The following TCF4 variants were observed in gnomAD, a reference collection of about 807,000 sequenced individuals.
TCF4 encodes transcription factor 4, also known as SL3-3 enhancer factor 2.
TCF4 carries 3 observed loss-of-function variants against 82.1 expected under a neutral mutation model. The ratio of observed to expected loss-of-function variants is 0.04; its 90% CI spans 0.02 to 0.09. TCF4 has a LOEUF of 0.09. Ranked by LOEUF, TCF4 falls within the 10% of genes least tolerant of loss-of-function variation. TCF4 has a pLI of 1.00. For synonymous variants in TCF4, 276 were observed against 309.6 expected, an observed-to-expected ratio of 0.89 and a Z score of 1.14; for missense variants, 518 against 852.7, an observed-to-expected ratio of 0.61 and a Z score of 4.89.
At chr18:55,435,206 G>A (rs141403526) in intron 5 of TCF4, among the ~76,000 whole-genome samples, 3 of 152,312 alleles carry the variant, frequency 2.0e-5, no homozygotes, top group East Asian at 1.9e-4. Flanking sequence ...GATGCAATGT[G>A]AGTGAGCAAT....
intron 6 of TCF4, among the ~76,000 whole-genome samples, chr18:55,379,942 T>C (rs907031345): frequency 2.5e-4 from 38 of 152,276 alleles, no homozygotes; most frequent in African/African-American, 8.2e-4. Flanking sequence ...GGCATGATCA[T>C]GGCTCACTGC....
intron 13 of TCF4, chr18:55,257,601 T>G: frequency 3.4e-6 from 2 of 595,300 alleles, no homozygotes; most frequent in Non-Finnish European, 6.0e-6. Flanking sequence ...AGACTCACAA[T>G]TCCCCCAGGC....
intron 6 of TCF4, among the ~76,000 whole-genome samples, chr18:55,376,346 G>C (rs192380139): frequency 6.6e-6 from 1 of 152,076 alleles, no homozygotes; most frequent in African/African-American, 2.4e-5. Flanking sequence ...CTTAGAACAT[G>C]AAAATAAGGA....
chr18:55,465,281 T>A (rs984150462), intron 3 of TCF4, among the ~76,000 whole-genome samples: 2 of 152,168 alleles, frequency 1.3e-5, no homozygotes, highest in Non-Finnish European at 2.9e-5. Context: ...ATTACTGCTA[T>A]TTTATTATCA....
At chr18:55,584,350 A>G (rs560527006) in intron 3 of TCF4, among the ~76,000 whole-genome samples, 2 of 152,296 alleles carry the variant, frequency 1.3e-5, no homozygotes, top group South Asian at 4.1e-4. Flanking sequence ...GTACTGTTAT[A>G]TACCATTGCC....
intron 3 of TCF4, among the ~76,000 whole-genome samples, chr18:55,577,636 T>A (rs2097542154): frequency 6.6e-6 from 1 of 152,092 alleles, no homozygotes; most frequent in African/African-American, 2.4e-5. Flanking sequence ...TTACCAGTCC[T>A]GTAAACACCC....
chr18:55,369,913 TTGTGTGTG>T (rs3838896), intron 6 of TCF4, among the ~76,000 whole-genome samples: 7 of 150,722 alleles, frequency 4.6e-5, no homozygotes, highest in Non-Finnish European at 1.0e-4. Context: ...AGAGTTTTAT[TTGTGTGTG>T]TGTGTGTGTG....
intron 6 of TCF4, among the ~76,000 whole-genome samples, chr18:55,365,717 T>C (rs985977811): frequency 6.6e-6 from 1 of 151,946 alleles, no homozygotes; most frequent in African/African-American, 2.4e-5. Context: ...CTGGCCAACA[T>C]AGTGAAACCC....
At chr18:55,391,863 A>G (rs1027562517) in intron 6 of TCF4, among the ~76,000 whole-genome samples, 5 of 146,942 alleles carry the variant, frequency 3.4e-5, no homozygotes, top group African/African-American at 1.3e-4. Flanking sequence ...GCTTGAACCC[A>G]GGAGGCAGAG....
chr18:55,443,165 A>G (rs1474860943), intron 5 of TCF4, among the ~76,000 whole-genome samples: 1 of 152,168 alleles, frequency 6.6e-6, no homozygotes. Context: ...TGGTTTTAAA[A>G]CAGGTTGTTG....
chr18:55,635,927 A>G lies in TCF4; in HGVS notation c.-30T>C, dbSNP rs1005744566. 4.4e-6 allele frequency: 7 copies of G among 1,577,588 alleles called. No individual in the cohort carries two copies. In the Admixed American group the frequency reaches 5.5e-5, roughly 12 times the overall value. ...TTGTTCCTTTGGCCGCATAAGTGCCAATCTACAAGAAAGGTGATACTGTAG... is the reference window on the plus strand; with the variant it reads ...TTGTTCCTTTGGCCGCATAAGTGCCGATCTACAAGAAAGGTGATACTGTAG... On this transcript the variant is annotated 5_prime_UTR_variant, in exon 1 of 21. Coordinates refer to the TCF4 transcript ENST00000398339.
At chr18:55,310,617 G>A (rs1048086671) in intron 8 of TCF4, among the ~76,000 whole-genome samples, 3 of 152,176 alleles carry the variant, frequency 2.0e-5, no homozygotes, top group African/African-American at 4.8e-5. Flanking sequence ...CAGGGAGAGA[G>A]GTCCCCAGTT....
intron 2 of TCF4, among the ~76,000 whole-genome samples, chr18:55,629,568 T>C (rs1415043104): frequency 6.6e-6 from 1 of 152,180 alleles, no homozygotes; most frequent in Non-Finnish European, 1.5e-5. Flanking sequence ...GATAAGAAGA[T>C]TGCTGAAACT....
intron 3 of TCF4, among the ~76,000 whole-genome samples, chr18:55,466,501 A>AT (rs1555674074): frequency 1.3e-5 from 2 of 151,862 alleles, no homozygotes; most frequent in Non-Finnish European, 2.9e-5. Flanking sequence ...TGTCCCTAAA[A>AT]ATATATATAT....
chr18:55,457,196 T>G (rs1393515418), intron 5 of TCF4, among the ~76,000 whole-genome samples: 1 of 152,240 alleles, frequency 6.6e-6, no homozygotes, highest in Non-Finnish European at 1.5e-5. Flanking sequence ...GGAGCTTGCT[T>G]TTTGTTTCTG....
At chr18:55,550,867 T>C (rs1310769265) in intron 3 of TCF4, 1 of 152,182 alleles carries the variant, frequency 6.6e-6, no homozygotes, top group Non-Finnish European at 1.5e-5. Flanking sequence ...TAGGGCTGCA[T>C]GGTTCTGAAA....
chr18:55,497,855 A>AG (rs980083390), intron 3 of TCF4, among the ~76,000 whole-genome samples: 3 of 152,182 alleles, frequency 2.0e-5, no homozygotes, highest in African/African-American at 4.8e-5. Flanking sequence ...TGAAATTGGA[A>AG]GGGGAAAAAA....
intron 8 of TCF4, among the ~76,000 whole-genome samples, chr18:55,296,444 G>A (rs2066512080): frequency 6.6e-6 from 1 of 152,208 alleles, no homozygotes. Context: ...AGTCTGCAGA[G>A]CTCAGGGATA....
chr18:55,623,657 T>G (rs1417394775), intron 2 of TCF4, among the ~76,000 whole-genome samples: 1 of 152,200 alleles, frequency 6.6e-6, no homozygotes, highest in African/African-American at 2.4e-5. Flanking sequence ...TATTTTTTTT[T>G]GAAAGTGAAT....
Sources: allele counts gnomAD v4.1 joint callset (sites outside exome capture counted in the v4.1 genomes callset), GRCh38; gene constraint gnomAD v4.1.1; transcripts MANE v1.5; gene names NCBI Gene and HGNC (gene_info 2026-07-23, HGNC 2026-07-21).